The following ATF7IP2 variants were observed in gnomAD, a reference collection of about 807,000 sequenced individuals.
ATF7IP2 encodes activating transcription factor 7-interacting protein 2.
A neutral mutation model predicts 64.2 loss-of-function variants in ATF7IP2; 42 were observed. The observed-to-expected ratio is 0.65, with a 90% CI of 0.51 to 0.85. The LOEUF (loss-of-function observed/expected upper bound fraction) is 0.85. ATF7IP2 is among the 40% of genes least tolerant of loss of function. ATF7IP2 has a pLI of 0.00. For synonymous variants in ATF7IP2, 308 were observed against 272.8 expected, an observed-to-expected ratio of 1.13 and a Z score of -1.27; for missense variants, 933 against 784.2, an observed-to-expected ratio of 1.19 and a Z score of -2.27.
At chr16:10,470,216 T>G (rs767899400) in intron 9 of ATF7IP2, among the ~76,000 whole-genome samples, 8 of 152,156 alleles carry the variant, frequency 5.3e-5, no homozygotes, top group African/African-American at 1.7e-4. Flanking sequence ...ATATATAGTT[T>G]AGAAATTATA....
chr16:10,434,656 T>C (rs1371379167), intron 6 of ATF7IP2, among the ~76,000 whole-genome samples: 1 of 152,140 alleles, frequency 6.6e-6, no homozygotes, highest in African/African-American at 2.4e-5. Flanking sequence ...AATATGTAAG[T>C]GTTCTGTTGT....
chr16:10,480,935 A>G lies in ATF7IP2; in HGVS notation c.1606A>G (p.Thr536Ala). ...HSKAASNSKE[T>A]TPLAQNAVQV... Reference sequence around the variant, plus strand: ...GAAAGCTGCTTCAAACTCAAAGGAAACAACCCCATTGGCACAAAATGCAGT... The same window carrying G: ...GAAAGCTGCTTCAAACTCAAAGGAAGCAACCCCATTGGCACAAAATGCAGT... Residue 536 changes from threonine (T) to alanine (A), a missense_variant, in exon 13 of 14, where the codon ACA becomes GCA. Physicochemically the swap from Thr to Ala is moderately conservative, Grantham distance 58. Transcript: ENST00000562102. The G allele has an allele frequency of 6.2e-7, 1 of 1,612,748 alleles. No individual in the cohort carries two copies. Among genetic ancestry groups the G allele is most frequent in the South Asian group, 1.1e-5 (1 of 91,048 alleles).
intron 6 of ATF7IP2, among the ~76,000 whole-genome samples, chr16:10,436,714 C>A (rs1383987272): frequency 6.6e-6 from 1 of 151,976 alleles, no homozygotes; most frequent in Non-Finnish European, 1.5e-5. Flanking sequence ...ATTATAAATA[C>A]CTTAAATGTA....
At chr16:10,466,149 A>T (rs1019590689) in intron 9 of ATF7IP2, among the ~76,000 whole-genome samples, 1 of 152,120 alleles carries the variant, frequency 6.6e-6, no homozygotes, top group Non-Finnish European at 1.5e-5. Context: ...ATCCCACATT[A>T]TGTGTCATGA....
At chr16:10,433,500 T>C (rs1277754355) in intron 5 of ATF7IP2, 25 bp from the exon 6 acceptor site, 2 of 1,596,856 alleles carry the variant, frequency 1.3e-6, no homozygotes, top group East Asian at 2.2e-5. Context: ...AATATCTTTC[T>C]TTCTAATCTT....
chr16:10,427,073 C>A (rs563116760), intron 3 of ATF7IP2, among the ~76,000 whole-genome samples: 1 of 152,102 alleles, frequency 6.6e-6, no homozygotes, highest in African/African-American at 2.4e-5. Flanking sequence ...AGGGTGGTCT[C>A]GAACTCCTGG....
intron 8 of ATF7IP2, among the ~76,000 whole-genome samples, chr16:10,440,866 C>T (rs2048594338): frequency 6.6e-6 from 1 of 152,196 alleles, no homozygotes; most frequent in Admixed American, 6.5e-5. Context: ...CTGTCATCTA[C>T]ATTAGGTATT....
chr16:10,446,239 G>T (rs2048800278), intron 8 of ATF7IP2: 1 of 152,162 alleles, frequency 6.6e-6, no homozygotes, highest in South Asian at 2.1e-4. Flanking sequence ...TCATGTTCAG[G>T]TCTCTTTAGA....
chr16:10,449,713 A>G (rs546837899), intron 8 of ATF7IP2: 1 of 151,994 alleles, frequency 6.6e-6, no homozygotes, highest in East Asian at 1.9e-4. Flanking sequence ...TTTATTAGTC[A>G]GGCTAGCGGT....
chr16:10,397,804 C>G (rs921497637), intron 1 of ATF7IP2, among the ~76,000 whole-genome samples: 2 of 149,736 alleles, frequency 1.3e-5, no homozygotes, highest in Admixed American at 1.3e-4. Context: ...TTGTAGTGAA[C>G]TGAAATCGTG....
intron 8 of ATF7IP2, among the ~76,000 whole-genome samples, chr16:10,444,632 A>G (rs949717751): frequency 6.6e-6 from 1 of 152,206 alleles, no homozygotes; most frequent in African/African-American, 2.4e-5. Flanking sequence ...TGAGCAGGGC[A>G]ATGGGGAGAC....
intron 9 of ATF7IP2, among the ~76,000 whole-genome samples, chr16:10,470,189 T>C (rs2049740043): frequency 6.6e-6 from 1 of 152,160 alleles, no homozygotes; most frequent in African/African-American, 2.4e-5. Context: ...AAACACTACA[T>C]CCTATATATA....
At chr16:10,454,419 A>G (rs1003344353) in intron 8 of ATF7IP2, 1 of 120,014 alleles carries the variant, frequency 8.3e-6, no homozygotes, top group African/African-American at 5.8e-5. Flanking sequence ...AAAAAAAAAA[A>G]AAAAAAAAAA....
Position 10,440,114 on chromosome 16 carries a change from C to T in ATF7IP2, c.1096-250C>T, listed in dbSNP as rs561291354. On this transcript the variant is annotated intron_variant, in intron 7 of 13. Coordinates refer to ENST00000562102, the MANE Select transcript of ATF7IP2 (RefSeq NM_001393719.1). Reference sequence around the variant, plus strand: ...GGCAGAGGTTGCAGTGAGTCGAGATCGCACCATTGCACGCCAGCATGGGCA... The same window carrying T: ...GGCAGAGGTTGCAGTGAGTCGAGATTGCACCATTGCACGCCAGCATGGGCA... Among the ~76,000 whole-genome samples, 7 of 152,018 alleles carry T rather than the reference C, an allele frequency of 4.6e-5. No homozygotes were observed. The South Asian group carries it at 1.0e-3, about 23-fold the overall frequency.
At chr16:10,452,292 G>T (rs377054223) in intron 8 of ATF7IP2, among the ~76,000 whole-genome samples, 1 of 152,120 alleles carries the variant, frequency 6.6e-6, no homozygotes, top group African/African-American at 2.4e-5. Flanking sequence ...GGTGACCTTC[G>T]GATGGGGTCT....
intron 9 of ATF7IP2, among the ~76,000 whole-genome samples, chr16:10,458,547 A>C (rs1485749301): frequency 6.6e-6 from 1 of 152,228 alleles, no homozygotes; most frequent in Non-Finnish European, 1.5e-5. Context: ...CAGCACTCTC[A>C]GCCCATGGTG....
In ATF7IP2 at chr16:10,482,943, A is replaced by G. The variant is rs1167854666; in HGVS notation, c.*694A>G. 1 of 152,104 alleles carries G rather than the reference A, an allele frequency of 6.6e-6. No homozygotes were observed. Among genetic ancestry groups the G allele is most frequent in the East Asian group, 1.9e-4 (1 of 5,194 alleles). 9.4% of individuals were successfully genotyped at this position (152,104 alleles called of 1,614,324 possible). A position where few individuals can be genotyped will look rare whatever the true frequency, so the allele number is the denominator to read the frequency against. On this transcript the variant is annotated 3_prime_UTR_variant, in exon 14 of 14. Transcript: ENST00000562102. ...TGGTCAGGCTGGTCTCAAACTCCTGACCTCAGGGGATCCACCCGCCTCGGC... is the reference window on the plus strand; with the variant it reads ...TGGTCAGGCTGGTCTCAAACTCCTGGCCTCAGGGGATCCACCCGCCTCGGC...
intron 9 of ATF7IP2, among the ~76,000 whole-genome samples, chr16:10,462,832 G>A (rs943218479): frequency 7.9e-5 from 12 of 151,990 alleles, no homozygotes; most frequent in Admixed American, 5.2e-4. Context: ...TTCTAATTAT[G>A]TGCTTTTCTA....
intron 9 of ATF7IP2, among the ~76,000 whole-genome samples, chr16:10,471,562 G>A (rs529106581): frequency 1.3e-5 from 2 of 151,960 alleles, no homozygotes; most frequent in South Asian, 4.2e-4. Context: ...AAAAAAAAGG[G>A]TCAAAATGGC....
Sources: gnomAD v4.1 joint callset for allele counts (sites outside exome capture counted in the v4.1 genomes callset) on GRCh38, gnomAD v4.1.1 for gene constraint, MANE v1.5 for transcripts, NCBI Gene and HGNC (gene_info 2026-07-23, HGNC 2026-07-21) for gene names.